The following EVA1A variants were observed in gnomAD, a reference collection of about 807,000 sequenced individuals.
EVA1A encodes protein eva-1 homolog A.
A neutral mutation model predicts 9.8 loss-of-function variants in EVA1A; 7 were observed. That is an observed-to-expected ratio of 0.71 (90% CI 0.41 to 1.34). The LOEUF (loss-of-function observed/expected upper bound fraction) is 1.34, where lower values mean the gene tolerates loss of function less well. EVA1A is among the 40% of genes most tolerant of loss of function. EVA1A has a pLI of 0.01. For missense variants in EVA1A, 206 were observed against 205.9 expected (o/e 1.00, Z 0.00); for synonymous variants, 90 against 85.6 (o/e 1.05, Z -0.28).
chr2:75,554,406 C>T (rs111881041), intron 1 of EVA1A, among the ~76,000 whole-genome samples: 2 of 152,128 alleles, frequency 1.3e-5, no homozygotes, highest in African/African-American at 4.8e-5. Context: ...CATCTCACTG[C>T]CCCCAGGCAC....
At chr2:75,498,604 A>AT (rs1486309754) in intron 3 of EVA1A, among the ~76,000 whole-genome samples, 1 of 152,172 alleles carries the variant, frequency 6.6e-6, no homozygotes, top group Non-Finnish European at 1.5e-5. Context: ...ATGTGTATTA[A>AT]TTTTTTTAAA....
chr2:75,508,899 T>C (rs562047412), intron 3 of EVA1A, among the ~76,000 whole-genome samples: 54 of 152,230 alleles, frequency 3.5e-4, no homozygotes, highest in African/African-American at 1.3e-3. Flanking sequence ...GGTTCCCAGA[T>C]AGACCTTCTG....
chr2:75,493,731 T>G, intron 3 of EVA1A, 122 bp from the exon 4 acceptor site: 1 of 815,224 alleles, frequency 1.2e-6, no homozygotes. Flanking sequence ...ACAAATATTG[T>G]CCTCCAATGT....
At chr2:75,524,355 T>TCAGCACGG (rs1446341845) in intron 1 of EVA1A, among the ~76,000 whole-genome samples, 1 of 151,816 alleles carries the variant, frequency 6.6e-6, no homozygotes, top group Non-Finnish European at 1.5e-5. Flanking sequence ...CTCACTCAGT[T>TCAGCACGG]TATCACTGTC....
chr2:75,557,419 T>A (rs1676753951), intron 1 of EVA1A, among the ~76,000 whole-genome samples: 1 of 152,216 alleles, frequency 6.6e-6, no homozygotes, highest in Non-Finnish European at 1.5e-5. Context: ...CCTTAGCCAG[T>A]TTTACCTTCA....
chr2:75,501,418 T>C (rs781352728), intron 3 of EVA1A, among the ~76,000 whole-genome samples: 1 of 152,176 alleles, frequency 6.6e-6, no homozygotes, highest in Non-Finnish European at 1.5e-5. Flanking sequence ...GAAATAAAAA[T>C]TCTACATATT....
chr2:75,565,582 A>G (rs1238675952), upstream of EVA1A, among the ~76,000 whole-genome samples: 1 of 152,198 alleles, frequency 6.6e-6, no homozygotes, highest in Non-Finnish European at 1.5e-5. Context: ...TTGTCCCAAG[A>G]AAGTACAAAT....
intron 1 of EVA1A, among the ~76,000 whole-genome samples, chr2:75,531,322 A>C (rs1428381109): frequency 1.3e-5 from 2 of 152,218 alleles, no homozygotes. Flanking sequence ...AACCAGTACG[A>C]CCACTATACG....
intron 1 of EVA1A, among the ~76,000 whole-genome samples, chr2:75,551,126 C>T (rs1012582878): frequency 1.3e-5 from 2 of 151,606 alleles, no homozygotes; most frequent in Non-Finnish European, 2.9e-5. Context: ...TGCTCAAAAA[C>T]AAAACAAAAC....
chr2:75,514,598 G>A (rs908287304), intron 3 of EVA1A, among the ~76,000 whole-genome samples: 1 of 152,016 alleles, frequency 6.6e-6, no homozygotes, highest in Non-Finnish European at 1.5e-5. Context: ...CTACAAAAAT[G>A]TGGTTACCTA....
At chr2:75,495,975 G>C (rs1313655376) in intron 3 of EVA1A, among the ~76,000 whole-genome samples, 2 of 152,064 alleles carry the variant, frequency 1.3e-5, no homozygotes, top group Non-Finnish European at 2.9e-5. Context: ...AGGTAGAAAG[G>C]CCCAGGCAAA....
chr2:75,543,501 C>G (rs1476579331), intron 1 of EVA1A, among the ~76,000 whole-genome samples: 1 of 151,744 alleles, frequency 6.6e-6, no homozygotes, highest in Non-Finnish European at 1.5e-5. Context: ...AGGAAGTCAG[C>G]AGGAGGTGAG....
chr2:75,516,898 G>A (rs1412991950), intron 3 of EVA1A, among the ~76,000 whole-genome samples: 1 of 152,170 alleles, frequency 6.6e-6, no homozygotes. Context: ...GAGCAAAGAT[G>A]AGATTCCTCT....
At chr2:75,532,607 T>C (rs559189888) in intron 1 of EVA1A, among the ~76,000 whole-genome samples, 1 of 152,150 alleles carries the variant, frequency 6.6e-6, no homozygotes, top group East Asian at 1.9e-4. Context: ...GGAAAAAAAA[T>C]GAACAGAATC....
intron 1 of EVA1A, among the ~76,000 whole-genome samples, chr2:75,533,702 G>A (rs1675763197): frequency 6.6e-6 from 1 of 151,978 alleles, no homozygotes; most frequent in Non-Finnish European, 1.5e-5. Context: ...TTTGGGAGGT[G>A]GAGGCAGGAG....
intron 1 of EVA1A, among the ~76,000 whole-genome samples, chr2:75,546,929 AC>A (rs1553421025): frequency 6.9e-6 from 1 of 145,110 alleles, no homozygotes; most frequent in Non-Finnish European, 1.5e-5. Flanking sequence ...AAAAAAAAAC[AC>A]CTAAGGCTAC....
At position 75,518,167 on chromosome 2, in the gene EVA1A, G is replaced by A. The variant is rs766014396; in HGVS notation, c.-27C>T. ...GGACATCCAGAGGGGACCTCCTGGA[G>A]GTGCTTGGCTGAATCAACGTGGCCA... On this transcript the variant is annotated 5_prime_UTR_variant, in exon 3 of 4. Coordinates refer to ENST00000393913, the MANE Select transcript of EVA1A (RefSeq NM_001135032.2). 1.2e-6 allele frequency: 2 copies of A among 1,608,686 alleles called. No homozygotes were observed. Among genetic ancestry groups the A allele is most frequent in the South Asian group, 2.2e-5 (2 of 90,128 alleles).
intron 1 of EVA1A, among the ~76,000 whole-genome samples, chr2:75,556,383 C>T (rs542301559): frequency 1.3e-5 from 2 of 152,190 alleles, no homozygotes; most frequent in African/African-American, 2.4e-5. Flanking sequence ...TGGCAGCCAA[C>T]GAAGTGTGAC....
Position 75,538,338 on chromosome 2 carries a change from C to A in EVA1A, c.-191-15851G>T, listed in dbSNP as rs141193364. ...TAAAATAAAACTAGTGAGTTCAGCACGGTTGCAGGCAACATAAACTTACAA... is the reference window on the plus strand; with the variant it reads ...TAAAATAAAACTAGTGAGTTCAGCAAGGTTGCAGGCAACATAAACTTACAA... On this transcript the variant is annotated intron_variant, in intron 1 of 3. Coordinates refer to ENST00000393913, the MANE Select transcript of EVA1A (RefSeq NM_001135032.2). Among the ~76,000 whole-genome samples, 257 of 152,224 alleles carry A rather than the reference C, an allele frequency of 1.7e-3. 2 individuals carry two copies. The highest frequency in any genetic ancestry group is 6.0e-3 in the African/African-American group (249 of 41,534).
Sources: gnomAD v4.1 joint callset for allele counts (sites outside exome capture counted in the v4.1 genomes callset) on GRCh38, gnomAD v4.1.1 for gene constraint, MANE v1.5 for transcripts, NCBI Gene and HGNC (gene_info 2026-07-23, HGNC 2026-07-21) for gene names.